The following CD46 variants were observed in gnomAD, a reference collection of about 807,000 sequenced individuals.
CD46 encodes membrane cofactor protein.
Under a neutral mutation model 53.3 loss-of-function variants are expected in CD46, and 30 were observed. The observed-to-expected ratio is 0.56, with a 90% CI of 0.42 to 0.76. CD46 has a LOEUF of 0.76. Among genes scored for constraint, CD46 ranks in the 30% least tolerant of loss-of-function variants. The pLI, the probability that CD46 is intolerant of heterozygous loss-of-function variation, is 0.00. For synonymous variants in CD46, 142 were observed against 152.0 expected (o/e 0.93, Z 0.48); for missense variants, 409 against 463.0 (o/e 0.88, Z 1.07).
chr1:207,794,560 T>A lies in CD46; in HGVS notation c.*1083T>A, dbSNP rs1260759306. The A allele has an allele frequency of 6.6e-6, 1 of 152,220 alleles. No homozygotes were observed. The highest frequency in any genetic ancestry group is 2.4e-5 in the African/African-American group (1 of 41,456). The allele number at this position is 152,220 out of a possible 1,614,324, so 9.4% of individuals were successfully genotyped here. A position where few individuals can be genotyped will look rare whatever the true frequency, so the allele number is the denominator to read the frequency against. Reference sequence around the variant, plus strand: ...AAGTCACATGAGAATCTTAGTCCATTTACATTGCCTTGGCTAGTAAAAGCC... The same window carrying A: ...AAGTCACATGAGAATCTTAGTCCATATACATTGCCTTGGCTAGTAAAAGCC... On this transcript the variant is annotated 3_prime_UTR_variant, in exon 13 of 13. Coordinates refer to ENST00000367042, the MANE Select transcript of CD46 (RefSeq NM_172351.3).
chr1:207,759,506 A>G, intron 3 of CD46, 133 bp from the exon 4 acceptor site: 1 of 627,738 alleles, frequency 1.6e-6, no homozygotes, highest in South Asian at 1.9e-5. Context: ...TTCGTTATAT[A>G]GTATGTTGTT....
At chr1:207,772,406 C>G (rs975961158) in intron 8 of CD46, among the ~76,000 whole-genome samples, 1 of 152,144 alleles carries the variant, frequency 6.6e-6, no homozygotes, top group African/African-American at 2.4e-5. Context: ...TTTTTCTTGC[C>G]TGATCACCCT....
chr1:207,752,117 G>A lies in CD46; in HGVS notation c.-96G>A. On this transcript the variant is annotated 5_prime_UTR_variant, in exon 1 of 13. Coordinates refer to ENST00000367042, the MANE Select transcript of CD46 (RefSeq NM_172351.3). The surrounding 1 kb of genome is among the most constrained non-coding windows in gnomAD (Gnocchi z 4.1). ...TGCTTTGTGAGTTGGGGATTGTTGC[G>A]TCCCATATCTGGACCCAGAAGGGAC... 1 of 1,126,854 alleles carries A rather than the reference G, an allele frequency of 8.9e-7. No individual in the cohort carries two copies. Among genetic ancestry groups the A allele is most frequent in the Non-Finnish European group, 1.3e-6 (1 of 746,680 alleles). 69.8% of individuals were successfully genotyped at this position (1,126,854 alleles called of 1,614,324 possible).
intron 8 of CD46, among the ~76,000 whole-genome samples, chr1:207,775,267 G>T (rs1444767634): frequency 6.6e-6 from 1 of 152,086 alleles, no homozygotes; most frequent in Non-Finnish European, 1.5e-5. Context: ...GTTTATTCTA[G>T]TTAGCCATTC....
At position 207,770,309 on chromosome 1, in the gene CD46, T is replaced by C. The variant is rs149983756; in HGVS notation, c.902-12T>C. 51 of 1,596,486 alleles carry C rather than the reference T, an allele frequency of 3.2e-5. No individual in the cohort carries two copies. Among genetic ancestry groups the C allele is most frequent in the Non-Finnish European group, 3.9e-5 (46 of 1,164,624 alleles). ...CCCTGGTGAATTTATAAAATCAAACTTATTTTTCTAGGTCCTAGGCCTACT... is the reference window on the plus strand; with the variant it reads ...CCCTGGTGAATTTATAAAATCAAACCTATTTTTCTAGGTCCTAGGCCTACT... On this transcript the variant is annotated splice_polypyrimidine_tract_variant and intron_variant, in intron 7 of 12. Transcript: ENST00000367042.
intron 10 of CD46, among the ~76,000 whole-genome samples, 183 bp downstream of exon 10, chr1:207,785,289 C>G (rs1659171350): frequency 6.6e-6 from 1 of 152,122 alleles, no homozygotes; most frequent in Non-Finnish European, 1.5e-5. Flanking sequence ...ATTTTATACT[C>G]TGTTATATTC....
rs768295268 is a variant in CD46, at chr1:207,761,438, A to G, written c.665A>G (p.Glu222Gly). The change falls in exon 5 of 13, where the codon GAG (glutamate) becomes GGG (glycine). Residue 222 changes from glutamate to glycine, a missense_variant. Transcript: ENST00000367042. ...TCAGTGTGGAGTCGTGCTGCTCCAG[A>G]GTGTAAAGGTAGTGTTTCAATTTAT... ...DNSVWSRAAP[E>G]CKVVKCRFPV... 1 of 1,612,716 alleles carries G rather than the reference A, an allele frequency of 6.2e-7. No individual in the cohort carries two copies. The highest frequency in any genetic ancestry group is 8.5e-7 in the Non-Finnish European group (1 of 1,178,842).
intron 1 of CD46, among the ~76,000 whole-genome samples, chr1:207,756,774 A>G (rs1265082265): frequency 6.6e-6 from 1 of 152,250 alleles, no homozygotes; most frequent in African/African-American, 2.4e-5. Flanking sequence ...CTGTCTCTTC[A>G]GTTTATTGTC....
At chr1:207,756,862 T>C (rs1319273658) in intron 1 of CD46, 152 bp from the exon 2 acceptor site, 45 of 686,518 alleles carry the variant, frequency 6.6e-5, no homozygotes, top group Non-Finnish European at 9.9e-5. Context: ...TCCACTGCTA[T>C]GAGCACTCAG....
intron 7 of CD46, 129 bp from the exon 8 acceptor site, chr1:207,770,192 G>A (rs1657334812): frequency 1.4e-6 from 1 of 727,736 alleles, no homozygotes; most frequent in Non-Finnish European, 2.5e-6. Flanking sequence ...TCTAAGATGT[G>A]GAATTGCAAA....
chr1:207,767,583 T>A (rs1657006411), intron 6 of CD46, 196 bp from the exon 7 acceptor site: 1 of 1,596,084 alleles, frequency 6.3e-7, no homozygotes, highest in African/African-American at 1.3e-5. Context: ...GTGGTTGATC[T>A]TCTAACATTA....
chr1:207,766,850 A>G (rs1656907231), intron 5 of CD46, among the ~76,000 whole-genome samples, 163 bp from the exon 6 acceptor site: 1 of 152,310 alleles, frequency 6.6e-6, no homozygotes, highest in South Asian at 2.1e-4. Flanking sequence ...AGAATTCTGT[A>G]TGAAGGAGAA....
Position 207,754,102 on chromosome 1 carries a change from A to C in CD46, c.97+1793A>C, listed in dbSNP as rs560446958. Among the ~76,000 whole-genome samples, 53 of 152,370 alleles carry C rather than the reference A, an allele frequency of 3.5e-4. 1 individual carries two copies. The South Asian group carries it at 0.01, about 30-fold the overall frequency. On this transcript the variant is annotated intron_variant, in intron 1 of 12. Coordinates refer to ENST00000367042, the MANE Select transcript of CD46 (RefSeq NM_172351.3). ...AAATGTATTGGGATTGGCAGACATT[A>C]AAATCCAAAACATAATAGTGACAAA...
chr1:207,772,564 G>GAT (rs1273010997), intron 8 of CD46, among the ~76,000 whole-genome samples: 2 of 152,126 alleles, frequency 1.3e-5, no homozygotes, highest in South Asian at 4.1e-4. Context: ...ATTATTTTGA[G>GAT]ATATATTCCA....
intron 1 of CD46, among the ~76,000 whole-genome samples, chr1:207,755,528 A>G (rs954946485): frequency 6.6e-6 from 1 of 152,234 alleles, no homozygotes; most frequent in Non-Finnish European, 1.5e-5. Flanking sequence ...AACATGTATC[A>G]AATTTCAGGC....
rs150136290 is a variant in CD46, at chr1:207,789,870, GAAAAAAAAAA to G, written c.1083-364_1083-355del. Among the ~76,000 whole-genome samples, 271 of 43,374 alleles carry G rather than the reference GAAAAAAAAAA, an allele frequency of 6.2e-3. 3 individuals carry two copies. Among genetic ancestry groups the G allele is most frequent in the African/African-American group, 0.022 (242 of 10,944 alleles). The allele number at this position is 43,374 out of a possible 152,430, so 28.5% of individuals were successfully genotyped here. ...GCAACATAGTGAGATGCTGTGTCTT[GAAAAAAAAAA>G]AAAAAAAAAAAAAAAAAATCAAGAG... On this transcript the variant is annotated intron_variant, in intron 11 of 12. Coordinates refer to ENST00000367042, the MANE Select transcript of CD46 (RefSeq NM_172351.3).
intron 1 of CD46, among the ~76,000 whole-genome samples, chr1:207,756,653 GTACTC>G: frequency 6.6e-6 from 1 of 152,304 alleles, no homozygotes; most frequent in East Asian, 1.9e-4. Flanking sequence ...TCTGAGCAGA[GTACTC>G]TATACTGTAG....
chr1:207,759,488 T>G (rs908906312), intron 3 of CD46, 151 bp from the exon 4 acceptor site: 2 of 594,572 alleles, frequency 3.4e-6, no homozygotes, highest in South Asian at 2.1e-5. Context: ...GCAGATTTAT[T>G]TAGCACTTTC....
chr1:207,791,201 GA>G (rs1220756037), intron 12 of CD46, among the ~76,000 whole-genome samples: 2 of 152,152 alleles, frequency 1.3e-5, no homozygotes, highest in Non-Finnish European at 2.9e-5. Flanking sequence ...ATCCACGGGG[GA>G]TACATTCCAA....
Sources: gnomAD v4.1 joint callset for allele counts (sites outside exome capture counted in the v4.1 genomes callset) on GRCh38, gnomAD v4.1.1 for gene constraint, Gnocchi (gnomAD v3.1) non-coding constraint, MANE v1.5 for transcripts, NCBI Gene and HGNC (gene_info 2026-07-23, HGNC 2026-07-21) for gene names.